Variants in SRC observed in about 807,000 individuals in gnomAD.
SRC encodes SRC proto-oncogene, non-receptor tyrosine kinase.
In SRC, 13 loss-of-function variants were observed where a neutral mutation model predicts 62.9. The observed-to-expected ratio is 0.21, with a 90% confidence interval of 0.13 to 0.33. SRC has a LOEUF of 0.33. Among genes scored for constraint, SRC ranks in the 10% least tolerant of loss-of-function variants. The pLI is 1.00. For missense variants in SRC, 457 were observed against 737.3 expected (o/e 0.62, Z 4.40); for synonymous variants, 302 against 317.5 (o/e 0.95, Z 0.52).
At chr20:37,401,757 C>T (rs2295747) in intron 11 of SRC, 79 bp downstream of exon 11, 4 of 1,024,250 alleles carry the variant, frequency 3.9e-6, no homozygotes, top group Non-Finnish European at 5.7e-6. Context: ...GTTCTGGCCT[C>T]TTGAGTGCCC....
intron 2 of SRC, among the ~76,000 whole-genome samples, chr20:37,378,664 C>G (rs2070313719): frequency 6.6e-6 from 1 of 152,208 alleles, no homozygotes; most frequent in Admixed American, 6.5e-5. Flanking sequence ...ACCAGCCCCT[C>G]TCTGAGGAAC....
chr20:37,368,300 C>T (rs2070097042), intron 2 of SRC, among the ~76,000 whole-genome samples: 1 of 151,842 alleles, frequency 6.6e-6, no homozygotes, highest in Non-Finnish European at 1.5e-5. Flanking sequence ...CACCTGTGAT[C>T]CCAGCTACTC....
At chr20:37,354,717 C>T (rs2069854949) in intron 1 of SRC, among the ~76,000 whole-genome samples, 2 of 152,294 alleles carry the variant, frequency 1.3e-5, no homozygotes, top group Middle Eastern at 6.8e-3. Flanking sequence ...GAGACTGCAC[C>T]AATCCCCACC....
intron 5 of SRC, among the ~76,000 whole-genome samples, chr20:37,387,886 C>A (rs920387090): frequency 1.3e-5 from 2 of 152,086 alleles, no homozygotes; most frequent in African/African-American, 4.8e-5. Flanking sequence ...ACCATAGCCT[C>A]GAGAAATGGG....
rs749015248 is a variant in SRC at position 37,386,097 on chromosome 20, C to T, written c.273C>T (p.Ala91=). 6 of 1,614,182 alleles carry T rather than the reference C, an allele frequency of 3.7e-6. No homozygotes were observed. The South Asian group carries it at 5.5e-5, about 15-fold the overall frequency. ...PLAGGVTTFV[A]LYDYESRTET... ...CAGGTGGAGTGACCACCTTTGTGGC[C>T]CTCTATGACTATGAGTCTAGGACGG... The change falls in exon 5 of 14, where the codon GCC becomes GCT. Residue 91 remains alanine, a synonymous_variant. Transcript: ENST00000373578.
rs1035790642 is a variant in SRC at position 37,396,108 on chromosome 20, C to T, written c.554-54C>T. The T allele has an allele frequency of 4.7e-5, 75 of 1,591,324 alleles. No individual in the cohort carries two copies. Among genetic ancestry groups the T allele is most frequent in the Middle Eastern group, 2.2e-4 (1 of 4,608 alleles). On this transcript the variant is annotated intron_variant, in intron 7 of 13. Coordinates refer to ENST00000373578, the MANE Select transcript of SRC (RefSeq NM_198291.3). The surrounding 1 kb of genome is among the most constrained non-coding windows in gnomAD (Gnocchi z 6.1). Reference sequence around the variant, plus strand: ...AGGCACAGAACGGTGTCCAGAGCAGCGGCCTGCGGGGGGAGAGGGCATGGC... The same window carrying T: ...AGGCACAGAACGGTGTCCAGAGCAGTGGCCTGCGGGGGGAGAGGGCATGGC...
intron 1 of SRC, among the ~76,000 whole-genome samples, chr20:37,356,346 G>A (rs935900584): frequency 1.3e-5 from 2 of 152,234 alleles, no homozygotes; most frequent in Non-Finnish European, 2.9e-5. Flanking sequence ...CTCGGGCAGT[G>A]AGGAAGGGCT....
At position 37,398,711 on chromosome 20, in the gene SRC, C is replaced by T. The variant is rs911651520; in HGVS notation, c.859+857C>T. Among the ~76,000 whole-genome samples the T allele has an allele frequency of 1.3e-5, 2 of 152,196 alleles. No individual in the cohort carries two copies. Among genetic ancestry groups the T allele is most frequent in the African/African-American group, 4.8e-5 (2 of 41,438 alleles). On this transcript the variant is annotated intron_variant, in intron 9 of 13. Transcript: ENST00000373578. This position sits in a 1 kb window ranked among gnomAD's most constrained non-coding sequence, Gnocchi z 5.2. Reference sequence around the variant, plus strand: ...GGGGTGAGAAGCCAGGGTGTGGGCACAGCCACAAAGTGAGGACTTGAGCAA... The same window carrying T: ...GGGGTGAGAAGCCAGGGTGTGGGCATAGCCACAAAGTGAGGACTTGAGCAA...
At chr20:37,385,011 C>T (rs2070431392) in intron 4 of SRC, among the ~76,000 whole-genome samples, 1 of 152,210 alleles carries the variant, frequency 6.6e-6, no homozygotes, top group Non-Finnish European at 1.5e-5. Flanking sequence ...ACGGCTACAC[C>T]CCCGCCAGGG....
At chr20:37,353,483 G>A (rs1275234459) in intron 1 of SRC, among the ~76,000 whole-genome samples, 1 of 152,076 alleles carries the variant, frequency 6.6e-6, no homozygotes, top group Admixed American at 6.5e-5. Context: ...CTGAAGGGAG[G>A]ACCAGACACG....
rs2070765385 is a variant in SRC, at chr20:37,403,008, A to G, written c.1402+128A>G. 3 of 1,371,928 alleles carry G rather than the reference A, an allele frequency of 2.2e-6. No homozygotes were observed. The Admixed American group carries it at 7.5e-5, about 34-fold the overall frequency. The allele number at this position is 1,371,928 out of a possible 1,614,324, so 85.0% of individuals were successfully genotyped here. ...ACAAAGAAGTTGAGCGTCTGATGTT[A>G]GGCTCTCTCGATGGTCCATGCTCTC... On this transcript the variant is annotated intron_variant, in intron 13 of 13. Coordinates refer to ENST00000373578, the MANE Select transcript of SRC (RefSeq NM_198291.3). This position sits in a 1 kb window ranked among gnomAD's most constrained non-coding sequence, Gnocchi z 7.1.
At chr20:37,378,414 T>C (rs1448287827) in intron 2 of SRC, among the ~76,000 whole-genome samples, 1 of 152,180 alleles carries the variant, frequency 6.6e-6, no homozygotes, top group Non-Finnish European at 1.5e-5. Flanking sequence ...AGTACCACAT[T>C]AAGCCCACTG....
chr20:37,356,769 C>G (rs967549047), intron 1 of SRC, among the ~76,000 whole-genome samples: 3 of 152,074 alleles, frequency 2.0e-5, no homozygotes, highest in Non-Finnish European at 1.5e-5. Context: ...CCATAAAGAC[C>G]CCCTCTGCCC....
At chr20:37,379,534 G>A (rs907661104) in intron 2 of SRC, among the ~76,000 whole-genome samples, 1 of 151,658 alleles carries the variant, frequency 6.6e-6, no homozygotes, top group Non-Finnish European at 1.5e-5. Flanking sequence ...GACCAGCCCA[G>A]CCGACATGGT....
chr20:37,373,368 A>G (rs2070219363), intron 2 of SRC, among the ~76,000 whole-genome samples: 1 of 149,014 alleles, frequency 6.7e-6, no homozygotes, highest in Non-Finnish European at 1.5e-5. Flanking sequence ...ATACACATAC[A>G]CATATATGTA....
chr20:37,394,041 C>T (rs754965082), intron 6 of SRC, 48 bp downstream of exon 6: 32 of 1,584,620 alleles, frequency 2.0e-5, no homozygotes, highest in Middle Eastern at 1.7e-4. Context: ...TGGACACTGC[C>T]GGTGCAGAGT....
At chr20:37,390,554 C>T (rs1184629839) in intron 5 of SRC, among the ~76,000 whole-genome samples, 2 of 151,986 alleles carry the variant, frequency 1.3e-5, no homozygotes, top group Non-Finnish European at 2.9e-5. Flanking sequence ...TACAGGCACG[C>T]ACCACCATGC....
intron 5 of SRC, among the ~76,000 whole-genome samples, chr20:37,386,781 G>C (rs927406991): frequency 1.3e-5 from 2 of 152,248 alleles, no homozygotes; most frequent in Non-Finnish European, 2.9e-5. Flanking sequence ...GCAGGACCCA[G>C]TGCTGTGATG....
chr20:37,401,364 G>A (rs566067384), intron 10 of SRC, among the ~76,000 whole-genome samples: 5 of 152,212 alleles, frequency 3.3e-5, no homozygotes, highest in East Asian at 3.9e-4. Context: ...GCGGGACTCC[G>A]CTGTCTGCAT....
Sources: gnomAD v4.1 joint callset for allele counts (sites outside exome capture counted in the v4.1 genomes callset) on GRCh38, gnomAD v4.1.1 for gene constraint, Gnocchi (gnomAD v3.1) non-coding constraint, MANE v1.5 for transcripts, NCBI Gene and HGNC (gene_info 2026-07-23, HGNC 2026-07-21) for gene names.